NUP188: variants seen among roughly 807,000 people sequenced by gnomAD.
The protein encoded by NUP188 is nucleoporin NUP188.
A neutral mutation model predicts 223.0 loss-of-function variants in NUP188; 97 were observed. The ratio of observed to expected loss-of-function variants is 0.43; its 90% CI spans 0.37 to 0.51. The LOEUF (loss-of-function observed/expected upper bound fraction) is 0.51, where lower values mean the gene tolerates loss of function less well. Among genes scored for constraint, NUP188 ranks in the 20% least tolerant of loss-of-function variants. The pLI is 0.00. For missense variants in NUP188, 1,947 were observed against 2,175.6 expected (o/e 0.89, Z 2.09); for synonymous variants, 869 against 828.0 (o/e 1.05, Z -0.85).
Position 128,975,039 on chromosome 9 carries a change from G to T in NUP188, c.1203+1790G>T, listed in dbSNP as rs1377504912. Among the ~76,000 whole-genome samples, 3 of 152,032 alleles carry T rather than the reference G, an allele frequency of 2.0e-5. No homozygotes were observed. The East Asian group carries it at 5.8e-4, about 29-fold the overall frequency. ...ACCTCCCAGAGTGCTGGGATTATAGGTGTGAGCCACTATGCCTGGCTGAAG... is the reference window on the plus strand; with the variant it reads ...ACCTCCCAGAGTGCTGGGATTATAGTTGTGAGCCACTATGCCTGGCTGAAG... On this transcript the variant is annotated intron_variant, in intron 12 of 43. Transcript: ENST00000372577.
rs539194275 is a variant in NUP188, at chr9:128,983,392, G to C, written c.1884+12G>C. On this transcript the variant is annotated intron_variant, in intron 18 of 43. Coordinates refer to ENST00000372577, the MANE Select transcript of NUP188 (RefSeq NM_015354.3). ...GCAATCCAGCAAAGGTGAGATGCCA[G>C]ATCTTCCCAAGAGCCAAAAATGTAG... is the stretch of plus-strand genomic sequence containing the variant. The C allele has an allele frequency of 6.2e-7, 1 of 1,614,122 alleles. No homozygotes were observed. The highest frequency in any genetic ancestry group is 1.3e-5 in the African/African-American group (1 of 75,062).
intron 34 of NUP188, 114 bp from the exon 35 acceptor site, chr9:129,001,415 C>T (rs1321334577): frequency 3.5e-6 from 3 of 855,502 alleles, no homozygotes; most frequent in Non-Finnish European, 5.8e-6. Context: ...CTCAAGCTCA[C>T]TTAGCAATGT....
At chr9:129,005,112 A>G in intron 38 of NUP188, 35 bp from the exon 39 acceptor site, 1 of 1,562,260 alleles carries the variant, frequency 6.4e-7, no homozygotes, top group Non-Finnish European at 8.8e-7. Flanking sequence ...GCTGCTGACA[A>G]GAGAATCCGC....
Position 128,970,720 on chromosome 9 carries a change from C to G in NUP188, c.913-38C>G, listed in dbSNP as rs776320454. 7.0e-6 allele frequency: 11 copies of G among 1,564,906 alleles called. No individual in the cohort carries two copies. In the South Asian group the frequency reaches 1.0e-4, roughly 14 times the overall value. On this transcript the variant is annotated intron_variant, in intron 10 of 43. Coordinates refer to ENST00000372577, the MANE Select transcript of NUP188 (RefSeq NM_015354.3). ...TCTGGTCGAGGGATATTAACACTTTCTGTTCGGAGATGTAGATGTGTTTTC... is the reference window on the plus strand; with the variant it reads ...TCTGGTCGAGGGATATTAACACTTTGTGTTCGGAGATGTAGATGTGTTTTC...
chr9:129,006,153 G>A (rs374159056), intron 42 of NUP188, 30 bp downstream of exon 42: 4 of 1,613,974 alleles, frequency 2.5e-6, no homozygotes, highest in Admixed American at 3.3e-5. Context: ...TTTGATAAGG[G>A]GCTGGGGCAG....
Position 129,005,723 on chromosome 9 carries a change from T to C in NUP188, c.4816T>C (p.Ser1606Pro). Residue 1606 changes from serine (S) to proline (P), a missense_variant, in exon 41 of 44, where the codon TCC becomes CCC. Ser to Pro is a moderately conservative substitution (Grantham distance 74). Transcript: ENST00000372577. The stretch of plus-strand genomic sequence containing the variant: ...CACCTTTGACTCCGAAGTGGCCCCC[T>C]CCTTCGGGACCCTTCTGGCCACAGT... ...TPTFDSEVAP[S>P]FGTLLATVNV... 6.2e-7 allele frequency: 1 copy of C among 1,614,082 alleles called. No homozygotes were observed. The highest frequency in any genetic ancestry group is 8.5e-7 in the Non-Finnish European group (1 of 1,179,994).
At chr9:128,993,167 T>C in intron 25 of NUP188, 30 bp from the exon 26 acceptor site, 1 of 1,589,580 alleles carries the variant, frequency 6.3e-7, no homozygotes, top group Non-Finnish European at 8.6e-7. Flanking sequence ...GAAGCAGAGC[T>C]CTAAGCCTGT....
Position 129,006,382 on chromosome 9 carries a change from G to C in NUP188, c.5073+14G>C, listed in dbSNP as rs759047708. ...AGCTCTGAGTTGGTACGGATGGATA[G>C]GGATACGGAGGGCTGGACCAATAGG... On this transcript the variant is annotated intron_variant, in intron 43 of 43. Transcript: ENST00000372577. 1 of 1,614,176 alleles carries C rather than the reference G, an allele frequency of 6.2e-7. No individual in the cohort carries two copies. The highest frequency in any genetic ancestry group is 2.2e-5 in the East Asian group (1 of 44,882).
At position 128,999,708 on chromosome 9, in the gene NUP188, C is replaced by T. The variant is rs1006381221; in HGVS notation, c.3746C>T (p.Thr1249Ile). Residue 1249 changes from threonine to isoleucine, a missense_variant, in exon 34 of 44, where the codon ACC becomes ATC. Transcript: ENST00000372577. Reference sequence around the variant, plus strand: ...GAAGTGATTGCACTCTTCGACCAGACCCGCCACAGTCTGGCATTAGGCAGT... The same window carrying T: ...GAAGTGATTGCACTCTTCGACCAGATCCGCCACAGTCTGGCATTAGGCAGT... ...QEEVIALFDQTRHSLALGSAT... is the reference protein window; with the variant it reads ...QEEVIALFDQIRHSLALGSAT... 6 of 1,614,056 alleles carry T rather than the reference C, an allele frequency of 3.7e-6. No individual in the cohort carries two copies. Among genetic ancestry groups the T allele is most frequent in the Non-Finnish European group, 5.1e-6 (6 of 1,180,030 alleles).
chr9:128,990,191 C>G lies in NUP188; in HGVS notation c.2605C>G (p.Arg869Gly). Residue 869 changes from arginine to glycine, a missense_variant, in exon 25 of 44, where the codon CGT becomes GGT. By Grantham distance (125) the Arg-to-Gly change is moderately radical. This residue lies in a region of NUP188 where 225 missense variants were observed against 319.1 expected (regional missense o/e 0.71). Transcript: ENST00000372577. ...CCACAAACATGACCCTGCTTTGCCACGTCTTGCCATTCAGCTGCTGAAACG... is the reference window on the plus strand; with the variant it reads ...CCACAAACATGACCCTGCTTTGCCAGGTCTTGCCATTCAGCTGCTGAAACG... ...IYHKHDPALP[R>G]LAIQLLKRLA... 6.2e-7 allele frequency: 1 copy of G among 1,614,168 alleles called. No homozygotes were observed. The highest frequency in any genetic ancestry group is 8.5e-7 in the Non-Finnish European group (1 of 1,179,990).
In NUP188 at chr9:128,986,849, G is replaced by T. The variant is rs1436560595; in HGVS notation, c.2238G>T (p.Leu746=). 1 of 1,613,998 alleles carries T rather than the reference G, an allele frequency of 6.2e-7. No homozygotes were observed. The highest frequency in any genetic ancestry group is 1.3e-5 in the African/African-American group (1 of 74,906). The change falls in exon 22 of 44, where the codon CTG becomes CTT. Residue 746 remains leucine (L), a synonymous_variant. Coordinates refer to ENST00000372577, the MANE Select transcript of NUP188 (RefSeq NM_015354.3). The part of the protein sequence containing the change: ...ILELIHAILN[L]CHETDLHSSH... ...AGCTGATTCATGCGATACTGAACCT[G>T]TGCCACGAGACAGACCTGCACAGCA...
chr9:128,958,092 A>G (rs1841896766), intron 6 of NUP188, 38 bp downstream of exon 6: 1 of 1,543,472 alleles, frequency 6.5e-7, no homozygotes, highest in Non-Finnish European at 8.9e-7. Flanking sequence ...TTGATGTAAA[A>G]TTGAGTGACA....
At chr9:128,975,942 C>T (rs1842170266) in intron 12 of NUP188, among the ~76,000 whole-genome samples, 1 of 151,974 alleles carries the variant, frequency 6.6e-6, no homozygotes, top group Non-Finnish European at 1.5e-5. Flanking sequence ...CCTGCCTCAT[C>T]CCCTTGAGTA....
intron 22 of NUP188, among the ~76,000 whole-genome samples, chr9:128,987,088 AGTGTGTGTGTGTGTGTGTGTGTGTGT>A (rs376346210): frequency 8.8e-6 from 1 of 113,262 alleles, no homozygotes; most frequent in Non-Finnish European, 1.8e-5. Flanking sequence ...AGAGAGAGAG[AGTGTGTGTGTGTGTGTGTGTGTGTGT>A]GTGTGTGTGT....
intron 27 of NUP188, 34 bp from the exon 28 acceptor site, chr9:128,994,339 A>C: frequency 6.7e-7 from 1 of 1,486,018 alleles, no homozygotes; most frequent in Admixed American, 1.7e-5. Flanking sequence ...GAGAGGGAAA[A>C]AGTTATGATT....
chr9:128,988,701 AT>A (rs994577710), intron 24 of NUP188, among the ~76,000 whole-genome samples: 1 of 128,418 alleles, frequency 7.8e-6, no homozygotes, highest in African/African-American at 2.9e-5. Flanking sequence ...CACATTCCAG[AT>A]TTTTTTTAAT....
Position 129,006,506 on chromosome 9 carries a change from C to T in NUP188, c.5078C>T (p.Thr1693Met). The change falls in exon 44 of 44, where the codon ACG becomes ATG. Residue 1693 changes from threonine to methionine, a missense_variant. Transcript: ENST00000372577. ...AAGCCACTTTTTTTCTTGTAGAGCA[C>T]GCTGCTGTCCAGCCTCTCGCGCTAC... ...MKQELSSELSTLLSSLSRYFR... is the reference protein window; with the variant it reads ...MKQELSSELSMLLSSLSRYFR... The T allele has an allele frequency of 6.2e-7, 1 of 1,612,808 alleles. No homozygotes were observed. Among genetic ancestry groups the T allele is most frequent in the Non-Finnish European group, 8.5e-7 (1 of 1,179,566 alleles).
At chr9:128,952,923 C>A in intron 3 of NUP188, 77 bp downstream of exon 3, 2 of 1,154,612 alleles carry the variant, frequency 1.7e-6, no homozygotes, top group Non-Finnish European at 1.3e-6. Context: ...CTTCTATGTG[C>A]TTTGATGATA....
chr9:128,964,350 T>C (rs1841997730), intron 8 of NUP188: 1 of 314,750 alleles, frequency 3.2e-6, no homozygotes, highest in Non-Finnish European at 6.2e-6. Context: ...GGCTTGTCTT[T>C]TCCCACCTTA....
Sources: gnomAD v4.1 joint callset for allele counts (sites outside exome capture counted in the v4.1 genomes callset) on GRCh38, gnomAD v4.1.1 for gene constraint, gnomAD v4.1.1 regional missense constraint, MANE v1.5 for transcripts, NCBI Gene and HGNC (gene_info 2026-07-23, HGNC 2026-07-21) for gene names.